The following MAP2K4 variants were observed in gnomAD, a reference collection of about 807,000 sequenced individuals.
MAP2K4 encodes the protein mitogen-activated protein kinase kinase 4.
MAP2K4 carries 4 observed loss-of-function variants against 48.5 expected under a neutral mutation model. The observed-to-expected ratio is 0.08, with a 90% confidence interval of 0.04 to 0.19. The LOEUF (loss-of-function observed/expected upper bound fraction) is 0.19. Among genes scored for constraint, MAP2K4 ranks in the 10% least tolerant of loss-of-function variants. The probability of loss-of-function intolerance (pLI) is 1.00; values close to 1 mark genes in which losing one functional copy is unlikely to be tolerated. For missense variants in MAP2K4, 258 were observed against 493.3 expected (o/e 0.52, Z 4.52); for synonymous variants, 166 against 173.1 (o/e 0.96, Z 0.32).
chr17:12,102,643 A>G (rs1378459385), intron 4 of MAP2K4, among the ~76,000 whole-genome samples: 1 of 152,170 alleles, frequency 6.6e-6, no homozygotes, highest in Non-Finnish European at 1.5e-5. Flanking sequence ...CAATGAAGCC[A>G]CTTGAACTTG....
chr17:12,110,548 A>G (rs1010856712), intron 6 of MAP2K4, 122 bp downstream of exon 6: 2 of 705,558 alleles, frequency 2.8e-6, no homozygotes, highest in Non-Finnish European at 2.4e-6. Context: ...ATTTTTAGCA[A>G]AAAATGCTTT....
chr17:12,132,612 A>G (rs1279991468), intron 9 of MAP2K4, among the ~76,000 whole-genome samples: 1 of 148,890 alleles, frequency 6.7e-6, no homozygotes. Context: ...TTCCTAAGGA[A>G]AAAAAAAAAA....
At chr17:12,132,135 G>A (rs1238246012) in intron 9 of MAP2K4, among the ~76,000 whole-genome samples, 1 of 152,184 alleles carries the variant, frequency 6.6e-6, no homozygotes, top group African/African-American at 2.4e-5. Context: ...ATAACTTGTA[G>A]GAGTATAAAT....
chr17:12,042,330 T>C (rs184175175), intron 1 of MAP2K4, among the ~76,000 whole-genome samples: 122 of 152,230 alleles, frequency 8.0e-4, no homozygotes, highest in Middle Eastern at 6.8e-3. Flanking sequence ...AAAACAGTTA[T>C]TACAGGTAAA....
rs1252669600 is a variant in MAP2K4, at chr17:12,142,886, C to G, written c.*1626C>G. On this transcript the variant is annotated 3_prime_UTR_variant, in exon 11 of 11. Coordinates refer to ENST00000353533, the MANE Select transcript of MAP2K4 (RefSeq NM_003010.4). ...CACTGGAATATAAAACAGTCATGGC[C>G]TGAGATGCAGGTGATGCCATTACAG... 8.6e-6 allele frequency: 2 copies of G among 232,584 alleles called. No individual in the cohort carries two copies. The highest frequency in any genetic ancestry group is 6.0e-5 in the East Asian group (1 of 16,546). 14.4% of individuals were successfully genotyped at this position (232,584 alleles called of 1,614,324 possible).
At chr17:12,067,382 G>C (rs894814429) in intron 2 of MAP2K4, among the ~76,000 whole-genome samples, 3 of 152,068 alleles carry the variant, frequency 2.0e-5, no homozygotes, top group Non-Finnish European at 4.4e-5. Flanking sequence ...TGTTACTGTT[G>C]AGATACTAGA....
At chr17:12,114,023 A>G (rs1237160160) in intron 7 of MAP2K4, among the ~76,000 whole-genome samples, 1 of 152,180 alleles carries the variant, frequency 6.6e-6, no homozygotes, top group Admixed American at 6.5e-5. Context: ...CAATGTTGCC[A>G]TGGTTCTTTG....
Position 12,081,525 on chromosome 17 carries a change from G to A in MAP2K4, c.388G>A (p.Val130Ile), listed in dbSNP as rs2151548790. The A allele has an allele frequency of 6.2e-7, 1 of 1,613,728 alleles. No individual in the cohort carries two copies. The highest frequency in any genetic ancestry group is 8.5e-7 in the Non-Finnish European group (1 of 1,179,838). Reference sequence around the variant, plus strand: ...CAAACCAAGTGGGCAAATAATGGCAGTTAAAGTAGGTGATGCCATGATTAT... The same window carrying A: ...CAAACCAAGTGGGCAAATAATGGCAATTAAAGTAGGTGATGCCATGATTAT... ...VHKPSGQIMA[V>I]KRIRSTVDEK... The change falls in exon 3 of 11, where the codon GTT becomes ATT. Residue 130 changes from valine to isoleucine, a missense_variant. This residue lies in a region of MAP2K4 where 132 missense variants were observed against 352.8 expected (regional missense o/e 0.37). Coordinates refer to ENST00000353533, the MANE Select transcript of MAP2K4 (RefSeq NM_003010.4). The surrounding 1 kb of genome is among the most constrained non-coding windows in gnomAD (Gnocchi z 4.2).
At chr17:12,138,398 T>C (rs1440457422) in intron 9 of MAP2K4, among the ~76,000 whole-genome samples, 1 of 152,100 alleles carries the variant, frequency 6.6e-6, no homozygotes, top group Non-Finnish European at 1.5e-5. Flanking sequence ...TACAATGAAG[T>C]AAGCTAGAGA....
intron 1 of MAP2K4, among the ~76,000 whole-genome samples, chr17:12,037,671 G>C (rs980829231): frequency 1.3e-5 from 2 of 152,026 alleles, no homozygotes; most frequent in African/African-American, 4.8e-5. Context: ...AATGAGACTT[G>C]TAGGATTAGC....
chr17:12,087,541 T>G (rs1043195863), intron 3 of MAP2K4, among the ~76,000 whole-genome samples: 6 of 152,206 alleles, frequency 3.9e-5, no homozygotes, highest in South Asian at 2.1e-4. Flanking sequence ...GGTGCTCTGA[T>G]AATACGTAGC....
At chr17:12,025,709 T>C (rs1468989381) in intron 1 of MAP2K4, among the ~76,000 whole-genome samples, 3 of 152,186 alleles carry the variant, frequency 2.0e-5, no homozygotes, top group African/African-American at 7.2e-5. Flanking sequence ...ATAGCTTGAT[T>C]CTGCTTTAGA....
chr17:12,038,738 T>C (rs1969682955), intron 1 of MAP2K4, among the ~76,000 whole-genome samples: 1 of 152,146 alleles, frequency 6.6e-6, no homozygotes, highest in South Asian at 2.1e-4. Flanking sequence ...GAAGTAGGTA[T>C]AATAGTTAAT....
intron 1 of MAP2K4, among the ~76,000 whole-genome samples, chr17:12,041,274 G>A (rs1436314867): frequency 7.9e-5 from 12 of 152,182 alleles, no homozygotes; most frequent in Non-Finnish European, 1.6e-4. Context: ...ATGGGAAGAG[G>A]AGTATAATAT....
chr17:12,115,592 G>C, intron 7 of MAP2K4: 1 of 720,518 alleles, frequency 1.4e-6, no homozygotes, highest in Non-Finnish European at 2.6e-6. Flanking sequence ...TGTTGTTGAT[G>C]AAGTGAGCAA....
intron 2 of MAP2K4, among the ~76,000 whole-genome samples, chr17:12,069,101 A>G (rs1970707349): frequency 6.6e-6 from 1 of 152,188 alleles, no homozygotes; most frequent in African/African-American, 2.4e-5. Context: ...GCATTGTTTC[A>G]AAGTGCAGTT....
At chr17:12,058,511 T>A (rs1235738929) in intron 2 of MAP2K4, among the ~76,000 whole-genome samples, 1 of 152,222 alleles carries the variant, frequency 6.6e-6, no homozygotes, top group Non-Finnish European at 1.5e-5. Flanking sequence ...TACCATGTGT[T>A]ATAGGTTATA....
chr17:12,115,949 T>G, intron 7 of MAP2K4: 2 of 461,294 alleles, frequency 4.3e-6, no homozygotes, highest in South Asian at 1.9e-5. Context: ...AGCTATGAAT[T>G]GAGTGAACTC....
At chr17:12,101,431 G>A (rs1971931952) in intron 4 of MAP2K4, among the ~76,000 whole-genome samples, 1 of 152,050 alleles carries the variant, frequency 6.6e-6, no homozygotes, top group Non-Finnish European at 1.5e-5. Flanking sequence ...TCAGATTTGA[G>A]AGTGTTGGTC....
Sources: allele counts gnomAD v4.1 joint callset (sites outside exome capture counted in the v4.1 genomes callset), GRCh38; gene constraint gnomAD v4.1.1; regional missense constraint gnomAD v4.1.1; non-coding constraint Gnocchi (gnomAD v3.1); transcripts MANE v1.5; gene names NCBI Gene and HGNC (gene_info 2026-07-23, HGNC 2026-07-21).